Variants in RIPOR3 observed in about 807,000 individuals in gnomAD.
The protein encoded by RIPOR3 is family with sequence similarity 65 member C.
A neutral mutation model predicts 114.3 loss-of-function variants in RIPOR3; 95 were observed. The observed-to-expected ratio is 0.83, with a 90% CI of 0.70 to 0.99. RIPOR3 has a LOEUF of 0.99. Among genes scored for constraint, RIPOR3 ranks in the 50% least tolerant of loss-of-function variants. The pLI, the probability that RIPOR3 is intolerant of heterozygous loss-of-function variation, is 0.00. For missense variants in RIPOR3, 1,252 were observed against 1,266.9 expected (o/e 0.99, Z 0.18); for synonymous variants, 575 against 543.8 (o/e 1.06, Z -0.80).
At chr20:50,599,579 C>T (rs1358274572) in intron 13 of RIPOR3, among the ~76,000 whole-genome samples, 2 of 152,094 alleles carry the variant, frequency 1.3e-5, no homozygotes, top group South Asian at 2.1e-4. Flanking sequence ...GGCATTTAAA[C>T]AGTGAAACTG....
chr20:50,611,376 GC>G (rs1424431688), intron 4 of RIPOR3, among the ~76,000 whole-genome samples, 172 bp from the exon 5 acceptor site: 1 of 152,192 alleles, frequency 6.6e-6, no homozygotes, highest in African/African-American at 2.4e-5. Context: ...TGCTGTCCAC[GC>G]CAAGGACAGC....
intron 1 of RIPOR3, among the ~76,000 whole-genome samples, chr20:50,634,262 G>A (rs747319497): frequency 2.6e-5 from 4 of 152,086 alleles, no homozygotes; most frequent in African/African-American, 7.2e-5. Flanking sequence ...GATTATAGCC[G>A]TGAGCCACCG....
chr20:50,652,313 G>T (rs2085639261), intron 1 of RIPOR3, among the ~76,000 whole-genome samples: 1 of 152,208 alleles, frequency 6.6e-6, no homozygotes. Context: ...CACCGAGGCT[G>T]GGCATGGTGG....
intron 1 of RIPOR3, among the ~76,000 whole-genome samples, chr20:50,664,714 G>A (rs1017707004): frequency 6.6e-6 from 1 of 152,142 alleles, no homozygotes; most frequent in Admixed American, 6.6e-5. Context: ...TGGTTGCTTT[G>A]GGTATAGTGT....
chr20:50,602,339 T>C lies in RIPOR3; in HGVS notation c.1392A>G (p.Gly464=). The change falls in exon 13 of 22, where the codon GGA becomes GGG. Residue 464 remains glycine, a synonymous_variant. Coordinates refer to ENST00000327979, the MANE Select transcript of RIPOR3 (RefSeq NM_001290268.2). The surrounding 1 kb of genome is among the most constrained non-coding windows in gnomAD (Gnocchi z 4.3). ...AGCCAGGCTGCTCTGCAAACGGGCC[T>C]CCAGAGAGGTGGGCCATCTCTGGCA... The part of the protein sequence containing the change: ...GLLPEMAHLS[G]GPFAEQPGWR... 1 of 1,613,828 alleles carries C rather than the reference T, an allele frequency of 6.2e-7. No homozygotes were observed. Among genetic ancestry groups the C allele is most frequent in the South Asian group, 1.1e-5 (1 of 91,080 alleles).
chr20:50,690,011 C>T lies in RIPOR3; in HGVS notation c.3+1115G>A, dbSNP rs572556722. 1.1e-3 allele frequency among the ~76,000 whole-genome samples: 172 copies of T among 152,322 alleles called. 3 individuals carry two copies. In the South Asian group the frequency reaches 0.018, roughly 16 times the overall value. ...GAGTGTAACCTGCACCCTCCCTTTC[C>T]GTGCCAGGGAGACACGAGCTGACTT... On this transcript the variant is annotated intron_variant, in intron 1 of 21. Coordinates refer to ENST00000327979, the MANE Select transcript of RIPOR3 (RefSeq NM_001290268.2).
chr20:50,612,552 T>C (rs2084013385), intron 4 of RIPOR3, among the ~76,000 whole-genome samples: 1 of 152,178 alleles, frequency 6.6e-6, no homozygotes, highest in Admixed American at 6.5e-5. Context: ...TAGGAGAGTA[T>C]GTAAATTGAC....
intron 6 of RIPOR3, among the ~76,000 whole-genome samples, chr20:50,610,220 C>G (rs113402213): frequency 0.016 from 2,332 of 150,060 alleles, 63 homozygotes; most frequent in African/African-American, 0.052. Context: ...CCCTGTCTCA[C>G]CTGCCTCTCC....
chr20:50,623,199 G>T (rs1210312120), intron 2 of RIPOR3, among the ~76,000 whole-genome samples: 1 of 150,574 alleles, frequency 6.6e-6, no homozygotes, highest in Non-Finnish European at 1.5e-5. Context: ...GGCAGAGGTT[G>T]CAGTGAGCCG....
At position 50,604,644 on chromosome 20, in the gene RIPOR3, C is replaced by T; in HGVS notation, c.1086+1G>A. 1.9e-6 allele frequency: 3 copies of T among 1,605,854 alleles called. No individual in the cohort carries two copies. Among genetic ancestry groups the T allele is most frequent in the Non-Finnish European group, 2.5e-6 (3 of 1,176,698 alleles). On this transcript the variant is annotated splice_donor_variant, in intron 12 of 21. Coordinates refer to ENST00000327979, the MANE Select transcript of RIPOR3 (RefSeq NM_001290268.2). LOFTEE classifies it high-confidence loss of function. ...GCCCTGCCCCGGGAAGGCTCACTCA[C>T]CAGGTAGTATCTCTCCCGGAAGCTG...
chr20:50,592,041 C>T lies in RIPOR3; in HGVS notation c.2577+303G>A, dbSNP rs909872296. ...ACCCAGGAGGTGGAGGTTGCAAGAT[C>T]GTGGCACTGGACTCCAGCCTGGGCA... On this transcript the variant is annotated intron_variant, in intron 19 of 21. Coordinates refer to ENST00000327979, the MANE Select transcript of RIPOR3 (RefSeq NM_001290268.2). 1.4e-3 allele frequency among the ~76,000 whole-genome samples: 207 copies of T among 152,092 alleles called. 1 individual carries two copies. Among genetic ancestry groups the T allele is most frequent in the Non-Finnish European group, 2.1e-4 (14 of 68,018 alleles).
intron 3 of RIPOR3, among the ~76,000 whole-genome samples, chr20:50,618,698 C>G (rs562168787): frequency 1.3e-4 from 20 of 152,340 alleles, no homozygotes; most frequent in African/African-American, 4.3e-4. Context: ...GTCTCTCCCC[C>G]ACTAGGAGTC....
chr20:50,629,028 A>G (rs1007779442), intron 2 of RIPOR3, among the ~76,000 whole-genome samples: 6 of 152,122 alleles, frequency 3.9e-5, no homozygotes, highest in Admixed American at 2.6e-4. Flanking sequence ...CAGGAAGCCA[A>G]TGCCTGCAGG....
intron 1 of RIPOR3, among the ~76,000 whole-genome samples, chr20:50,644,036 C>A (rs1482595666): frequency 1.3e-5 from 2 of 151,862 alleles, no homozygotes; most frequent in Admixed American, 6.6e-5. Context: ...AGGAGGATTT[C>A]TTGAGCCCAG....
At position 50,602,399 on chromosome 20, in the gene RIPOR3, C is replaced by T; in HGVS notation, c.1332G>A (p.Glu444=). 4 of 1,611,606 alleles carry T rather than the reference C, an allele frequency of 2.5e-6. No individual in the cohort carries two copies. In the South Asian group the frequency reaches 3.3e-5, roughly 13 times the overall value. The change falls in exon 13 of 22, where the codon GAG becomes GAA. Residue 444 remains glutamate (E), a synonymous_variant. Coordinates refer to ENST00000327979, the MANE Select transcript of RIPOR3 (RefSeq NM_001290268.2). This position sits in a 1 kb window ranked among gnomAD's most constrained non-coding sequence, Gnocchi z 4.3. The part of the protein sequence containing the change: ...LTFGPHASIE[E]EAREDPLPPG... ...GGGGCAGGGGGTCCTCCCGAGCCTC[C>T]TCTTCAATGGAGGCGTGGGGACCGA...
chr20:50,647,579 T>C (rs999308528), intron 1 of RIPOR3, among the ~76,000 whole-genome samples: 2 of 144,806 alleles, frequency 1.4e-5, no homozygotes, highest in African/African-American at 5.1e-5. Flanking sequence ...GCCTCCCGGG[T>C]TCACGCCATT....
At position 50,666,449 on chromosome 20, in the gene RIPOR3, C is replaced by A. The variant is rs545525532; in HGVS notation, c.3+24677G>T. 1.7e-4 allele frequency among the ~76,000 whole-genome samples: 26 copies of A among 151,536 alleles called. No individual in the cohort carries two copies. The South Asian group carries it at 5.4e-3, about 32-fold the overall frequency. On this transcript the variant is annotated intron_variant, in intron 1 of 21. Coordinates refer to ENST00000327979, the MANE Select transcript of RIPOR3 (RefSeq NM_001290268.2). ...CTGTTGCTCAGGCTGGTCTCGAATTCCTGACCTCAGGTGATCCACCTGCCC... is the reference window on the plus strand; with the variant it reads ...CTGTTGCTCAGGCTGGTCTCGAATTACTGACCTCAGGTGATCCACCTGCCC...
At chr20:50,677,461 T>C (rs997396373) in intron 1 of RIPOR3, among the ~76,000 whole-genome samples, 1 of 142,010 alleles carries the variant, frequency 7.0e-6, no homozygotes, top group Non-Finnish European at 1.5e-5. Context: ...AACCTCCACC[T>C]CCCGGGTTCG....
At chr20:50,663,298 A>T (rs895307659) in intron 1 of RIPOR3, among the ~76,000 whole-genome samples, 1 of 151,822 alleles carries the variant, frequency 6.6e-6, no homozygotes, top group African/African-American at 2.4e-5. Flanking sequence ...CCTTACCCAG[A>T]CCTACTGCTG....
Sources: allele counts gnomAD v4.1 joint callset (sites outside exome capture counted in the v4.1 genomes callset), GRCh38; gene constraint gnomAD v4.1.1; non-coding constraint Gnocchi (gnomAD v3.1); transcripts MANE v1.5; gene names NCBI Gene and HGNC (gene_info 2026-07-23, HGNC 2026-07-21).